The following GREM2 variants were observed in gnomAD, a reference collection of about 807,000 sequenced individuals.
GREM2 encodes gremlin-2.
A neutral mutation model predicts 14.2 loss-of-function variants in GREM2; 11 were observed. The ratio of observed to expected loss-of-function variants is 0.78; its 90% CI spans 0.49 to 1.28. GREM2 has a LOEUF of 1.28. Among genes scored for constraint, GREM2 ranks in the 50% most tolerant of loss-of-function variants. The probability of loss-of-function intolerance (pLI) is 0.00; values close to 1 mark genes in which losing one functional copy is unlikely to be tolerated. For missense variants in GREM2, 210 were observed against 218.5 expected (o/e 0.96, Z 0.24); for synonymous variants, 98 against 97.6 (o/e 1.00, Z -0.02).
intron 1 of GREM2, among the ~76,000 whole-genome samples, chr1:240,506,399 T>C (rs1572368800): frequency 6.6e-6 from 1 of 152,150 alleles, no homozygotes; most frequent in East Asian, 1.9e-4. Flanking sequence ...AAACAAGAAG[T>C]CTGGTTTCGT....
At position 240,489,648 on chromosome 1, in the gene GREM2, T is replaced by C. The variant is rs1677203425; in HGVS notation, c.*3321A>G. The stretch of plus-strand genomic sequence containing the variant: ...AATAAACTTGCTTTCACTTAAAAAA[T>C]TTTCATTGCATTATTGATGACTTGG... On this transcript the variant is annotated 3_prime_UTR_variant, in exon 2 of 2. Coordinates refer to ENST00000318160, the MANE Select transcript of GREM2 (RefSeq NM_022469.4). The C allele has an allele frequency of 2.0e-5, 3 of 152,198 alleles. No individual in the cohort carries two copies. Among genetic ancestry groups the C allele is most frequent in the Admixed American group, 1.3e-4 (2 of 15,284 alleles). 9.4% of individuals were successfully genotyped at this position (152,198 alleles called of 1,614,324 possible). A position where few individuals can be genotyped will look rare whatever the true frequency, so the allele number is the denominator to read the frequency against.
At chr1:240,555,424 C>T (rs1409660815) in intron 1 of GREM2, among the ~76,000 whole-genome samples, 1 of 152,010 alleles carries the variant, frequency 6.6e-6, no homozygotes, top group Non-Finnish European at 1.5e-5. Flanking sequence ...GCATTAGCTA[C>T]GATTATTGGC....
chr1:240,514,246 T>C (rs11809993), intron 1 of GREM2, among the ~76,000 whole-genome samples: 942 of 39,014 alleles, frequency 0.024, 6 homozygotes, highest in Middle Eastern at 0.17. Context: ...AGATTCCATC[T>C]CAAAAAAAAA....
At chr1:240,560,637 T>G (rs1679020164) in intron 1 of GREM2, among the ~76,000 whole-genome samples, 1 of 152,178 alleles carries the variant, frequency 6.6e-6, no homozygotes, top group African/African-American at 2.4e-5. Context: ...TTAAAATTTC[T>G]TTATTGAATC....
Position 240,489,639 on chromosome 1 carries a change from C to T in GREM2, c.*3330G>A, listed in dbSNP as rs1677203037. 1 of 152,212 alleles carries T rather than the reference C, an allele frequency of 6.6e-6. No homozygotes were observed. The highest frequency in any genetic ancestry group is 2.4e-5 in the African/African-American group (1 of 41,460). 9.4% of individuals were successfully genotyped at this position (152,212 alleles called of 1,614,324 possible). The stretch of plus-strand genomic sequence containing the variant: ...TACTTTCTTAATAAACTTGCTTTCA[C>T]TTAAAAAATTTTCATTGCATTATTG... On this transcript the variant is annotated 3_prime_UTR_variant, in exon 2 of 2. Transcript: ENST00000318160.
intron 1 of GREM2, chr1:240,549,847 G>C (rs997382709): frequency 1.3e-5 from 2 of 152,388 alleles, no homozygotes; most frequent in African/African-American, 4.8e-5. Flanking sequence ...GCAAGATAAG[G>C]AATGATTAAG....
At chr1:240,525,217 T>C (rs1376345064) in intron 1 of GREM2, among the ~76,000 whole-genome samples, 4 of 152,190 alleles carry the variant, frequency 2.6e-5, no homozygotes, top group Admixed American at 2.6e-4. Context: ...CCTTAAGATT[T>C]CTGAGCTGTG....
intron 1 of GREM2, among the ~76,000 whole-genome samples, chr1:240,495,013 A>T (rs372393452): frequency 6.6e-6 from 1 of 152,262 alleles, no homozygotes; most frequent in Non-Finnish European, 1.5e-5. Flanking sequence ...CACAAATTCA[A>T]TAGGAATGAG....
In GREM2 at chr1:240,493,193, G is replaced by C. The variant is rs181119790; in HGVS notation, c.283C>G (p.Arg95Gly). ...GAGTTGCACTGGCCGTAGCAGAAGC[G>C]GTTGAGGATGGTGCGGCTCCGGCAG... ...EGCRSRTILN[R>G]FCYGQCNSFY... Residue 95 changes from arginine to glycine, a missense_variant, in exon 2 of 2, where the codon CGC becomes GGC. Coordinates refer to ENST00000318160, the MANE Select transcript of GREM2 (RefSeq NM_022469.4). 9 of 1,614,180 alleles carry C rather than the reference G, an allele frequency of 5.6e-6. No homozygotes were observed. Among genetic ancestry groups the C allele is most frequent in the Non-Finnish European group, 7.6e-6 (9 of 1,180,042 alleles).
chr1:240,518,368 C>CATCA (rs1677995229), intron 1 of GREM2, among the ~76,000 whole-genome samples: 1 of 152,120 alleles, frequency 6.6e-6, no homozygotes, highest in Non-Finnish European at 1.5e-5. Flanking sequence ...TATTATCATC[C>CATCA]ATCAATCTTT....
At chr1:240,603,596 G>T (rs1257774895) in intron 1 of GREM2, among the ~76,000 whole-genome samples, 1 of 151,590 alleles carries the variant, frequency 6.6e-6, no homozygotes, top group Admixed American at 6.6e-5. Flanking sequence ...GTGTTAGAAA[G>T]GTTGACATCA....
At chr1:240,557,526 T>C (rs1678972345) in intron 1 of GREM2, among the ~76,000 whole-genome samples, 1 of 152,186 alleles carries the variant, frequency 6.6e-6, no homozygotes, top group Non-Finnish European at 1.5e-5. Flanking sequence ...GCAAGGACTT[T>C]AAATTTCTGA....
intron 1 of GREM2, among the ~76,000 whole-genome samples, chr1:240,589,435 CAGAAAAAA>C (rs1679664748): frequency 7.5e-6 from 1 of 133,568 alleles, no homozygotes; most frequent in African/African-American, 3.0e-5. Context: ...AACTCCATCT[CAGAAAAAA>C]AGAAAAAAAA....
intron 1 of GREM2, chr1:240,531,604 T>C (rs539673737): frequency 1.0e-6 from 1 of 976,090 alleles, no homozygotes; most frequent in South Asian, 4.7e-5. Context: ...GGTGTGTGGT[T>C]ATGTGGCGAG....
chr1:240,569,527 C>T (rs1168718189), intron 1 of GREM2, among the ~76,000 whole-genome samples: 1 of 152,068 alleles, frequency 6.6e-6, no homozygotes, highest in African/African-American at 2.4e-5. Context: ...GAATAGTTTG[C>T]CCAGAAGTAG....
chr1:240,508,035 G>A (rs12744857), intron 1 of GREM2, among the ~76,000 whole-genome samples: 15,794 of 152,146 alleles, frequency 0.1, 917 homozygotes, highest in Middle Eastern at 0.22. Context: ...GGTACGTGCC[G>A]AGCTGGTGCC....
intron 1 of GREM2, among the ~76,000 whole-genome samples, chr1:240,501,769 G>A (rs1677574255): frequency 6.6e-6 from 1 of 152,086 alleles, no homozygotes; most frequent in South Asian, 2.1e-4. Context: ...GTTCTCCCCT[G>A]TAAAATGGTG....
At chr1:240,509,840 T>C (rs2103288419) in intron 1 of GREM2, among the ~76,000 whole-genome samples, 1 of 152,254 alleles carries the variant, frequency 6.6e-6, no homozygotes, top group South Asian at 2.1e-4. Flanking sequence ...ATATTCAATA[T>C]GAAGAAGATC....
Position 240,496,696 on chromosome 1 carries a change from G to A in GREM2, c.-1-3220C>T, listed in dbSNP as rs76403992. Among the ~76,000 whole-genome samples the A allele has an allele frequency of 3.6e-3, 551 of 152,274 alleles. 3 individuals are homozygous for A. Among genetic ancestry groups the A allele is most frequent in the African/African-American group, 0.013 (525 of 41,554 alleles). ...GTCTCCTGCTCTCAGAACAGTGCCT[G>A]GTGTACAGTAGGCACTCAATAAATG... is the stretch of plus-strand genomic sequence containing the variant. On this transcript the variant is annotated intron_variant, in intron 1 of 1. Transcript: ENST00000318160.
Sources: allele counts gnomAD v4.1 joint callset (sites outside exome capture counted in the v4.1 genomes callset), GRCh38; gene constraint gnomAD v4.1.1; transcripts MANE v1.5; gene names NCBI Gene and HGNC (gene_info 2026-07-23, HGNC 2026-07-21).